Variants in PPP1R9A observed in about 807,000 individuals in gnomAD.
PPP1R9A encodes the protein protein phosphatase 1 regulatory subunit 9A.
In PPP1R9A, 59 loss-of-function variants were observed where a neutral mutation model predicts 141.9. The ratio of observed to expected loss-of-function variants is 0.42; its 90% CI spans 0.34 to 0.52. The LOEUF is 0.52. PPP1R9A is among the 20% of genes least tolerant of loss of function. The probability of loss-of-function intolerance (pLI) is 0.10; values close to 1 mark genes in which losing one functional copy is unlikely to be tolerated. For synonymous variants in PPP1R9A, 500 were observed against 569.7 expected, an observed-to-expected ratio of 0.88 and a Z score of 1.74; for missense variants, 1,444 against 1,611.9, an observed-to-expected ratio of 0.90 and a Z score of 1.78.
At chr7:95,013,531 A>G (rs1157239389) in intron 2 of PPP1R9A, among the ~76,000 whole-genome samples, 3 of 152,126 alleles carry the variant, frequency 2.0e-5, no homozygotes, top group Non-Finnish European at 4.4e-5. Context: ...ATGATATACA[A>G]GTAATAGATA....
At chr7:95,270,567 G>T (rs563308149) in intron 14 of PPP1R9A, among the ~76,000 whole-genome samples, 6 of 152,214 alleles carry the variant, frequency 3.9e-5, no homozygotes, top group African/African-American at 1.4e-4. Flanking sequence ...GGAAGTAAAA[G>T]ATTTTTTTCT....
At chr7:95,228,449 T>C (rs1348646584) in intron 8 of PPP1R9A, among the ~76,000 whole-genome samples, 1 of 152,222 alleles carries the variant, frequency 6.6e-6, no homozygotes, top group Non-Finnish European at 1.5e-5. Flanking sequence ...TTTTATTAAA[T>C]GCTCCTTTAC....
chr7:95,133,455 C>A (rs1306090750), intron 4 of PPP1R9A, among the ~76,000 whole-genome samples: 2 of 147,196 alleles, frequency 1.4e-5, no homozygotes, highest in African/African-American at 2.5e-5. Context: ...TAATATATTA[C>A]TTTATATAAT....
intron 4 of PPP1R9A, among the ~76,000 whole-genome samples, chr7:95,157,251 C>A (rs950740053): frequency 1.3e-4 from 20 of 152,006 alleles, no homozygotes; most frequent in Non-Finnish European, 2.6e-4. Context: ...CTTCTCAGCT[C>A]CCCCTCTCCC....
intron 5 of PPP1R9A, among the ~76,000 whole-genome samples, chr7:95,172,295 A>C (rs1832239950): frequency 6.6e-6 from 1 of 151,676 alleles, no homozygotes; most frequent in African/African-American, 2.4e-5. Flanking sequence ...ATAGAATGAA[A>C]AGGAGGAAGT....
chr7:95,217,934 C>T (rs1033302927), intron 7 of PPP1R9A, among the ~76,000 whole-genome samples: 7 of 151,952 alleles, frequency 4.6e-5, no homozygotes, highest in Non-Finnish European at 5.9e-5. Flanking sequence ...CCTGGATTCA[C>T]GGATTTTTTG....
At chr7:95,167,004 G>GA (rs1226017374) in intron 5 of PPP1R9A, among the ~76,000 whole-genome samples, 1 of 152,022 alleles carries the variant, frequency 6.6e-6, no homozygotes, top group African/African-American at 2.4e-5. Context: ...CGCATAGAAG[G>GA]AAAAAACCTG....
rs1272457555 is a variant in PPP1R9A at position 95,250,190 on chromosome 7, C to T, written c.2331C>T (p.Ser777=). 1 of 1,613,850 alleles carries T rather than the reference C, an allele frequency of 6.2e-7. No homozygotes were observed. Among genetic ancestry groups the T allele is most frequent in the East Asian group, 2.2e-5 (1 of 44,832 alleles). The change falls in exon 10 of 20, where the codon AGC becomes AGT. Residue 777 remains serine (S), a synonymous_variant. Transcript: ENST00000433360. ...TVNEHLKETQ[S]QYQALEKKYN... Reference sequence around the variant, plus strand: ...ATGAGCATCTCAAAGAGACTCAAAGCCAGTATCAGGCCTTGGAAAAGAAAT... The same window carrying T: ...ATGAGCATCTCAAAGAGACTCAAAGTCAGTATCAGGCCTTGGAAAAGAAAT...
rs1250400800 is a variant in PPP1R9A, at chr7:95,072,812, TATA to T, written c.1396-38441_1396-38439del. ...ATATATTATATTTATAATTATTATA[TATA>T]ATAATTATTATATATATAATAATTA... On this transcript the variant is annotated intron_variant, in intron 2 of 19. Coordinates refer to ENST00000433360, the MANE Select transcript of PPP1R9A (RefSeq NM_001166160.2). Among the ~76,000 whole-genome samples the T allele has an allele frequency of 1.2e-4, 9 of 72,980 alleles. 1 individual carries two copies. Among genetic ancestry groups the T allele is most frequent in the African/African-American group, 3.0e-4 (5 of 16,810 alleles). The allele number at this position is 72,980 out of a possible 152,430, so 47.9% of individuals were successfully genotyped here. A position where few individuals can be genotyped will look rare whatever the true frequency, so the allele number is the denominator to read the frequency against.
At chr7:95,202,152 A>G (rs866676488) in intron 6 of PPP1R9A, among the ~76,000 whole-genome samples, 1 of 152,188 alleles carries the variant, frequency 6.6e-6, no homozygotes, top group Admixed American at 6.5e-5. Context: ...GCTTAGACAT[A>G]TCTGTTTCAA....
At chr7:94,929,762 G>A (rs1365546089) in intron 2 of PPP1R9A, among the ~76,000 whole-genome samples, 1 of 152,068 alleles carries the variant, frequency 6.6e-6, no homozygotes, top group African/African-American at 2.4e-5. Flanking sequence ...CTAGGTGTGG[G>A]GTGGGAATGC....
At chr7:95,182,486 G>A (rs1834004018) in intron 5 of PPP1R9A, among the ~76,000 whole-genome samples, 3 of 152,090 alleles carry the variant, frequency 2.0e-5, no homozygotes, top group Non-Finnish European at 4.4e-5. Flanking sequence ...CATTTGAAAT[G>A]CAATAAACCT....
chr7:94,962,683 A>T (rs1182129932), intron 2 of PPP1R9A, among the ~76,000 whole-genome samples: 1 of 152,152 alleles, frequency 6.6e-6, no homozygotes, highest in African/African-American at 2.4e-5. Context: ...ATACATTGAA[A>T]TGATGTATGT....
At chr7:95,035,589 A>T (rs889271321) in intron 2 of PPP1R9A, 5 of 152,166 alleles carry the variant, frequency 3.3e-5, no homozygotes, top group African/African-American at 1.2e-4. Context: ...TCATATAACA[A>T]GATTTAAGGA....
At chr7:95,090,954 T>A (rs1248675698) in intron 2 of PPP1R9A, among the ~76,000 whole-genome samples, 3 of 152,078 alleles carry the variant, frequency 2.0e-5, no homozygotes, top group African/African-American at 7.3e-5. Flanking sequence ...ATATTTTCTG[T>A]GTCACTGAAT....
chr7:95,022,262 C>T (rs1317793338), intron 2 of PPP1R9A, among the ~76,000 whole-genome samples: 2 of 151,980 alleles, frequency 1.3e-5, no homozygotes, highest in Admixed American at 6.6e-5. Context: ...TCATGACTTG[C>T]CTCTCTGTTT....
At chr7:95,253,613 G>A (rs955543950) in intron 12 of PPP1R9A, among the ~76,000 whole-genome samples, 1 of 152,036 alleles carries the variant, frequency 6.6e-6, no homozygotes, top group Admixed American at 6.6e-5. Context: ...TAGCTTCTCT[G>A]GGTTGATATT....
rs954712917 is a variant in PPP1R9A, at chr7:95,291,009, T to C, written c.*706T>C. ...TGTGGATGTGGGTATTACCTTGGGGTTCTGAGGGTAATATTTATCCTCTAG... is the reference window on the plus strand; with the variant it reads ...TGTGGATGTGGGTATTACCTTGGGGCTCTGAGGGTAATATTTATCCTCTAG... On this transcript the variant is annotated 3_prime_UTR_variant, in exon 20 of 20. Coordinates refer to ENST00000433360, the MANE Select transcript of PPP1R9A (RefSeq NM_001166160.2). 1 of 152,172 alleles carries C rather than the reference T, an allele frequency of 6.6e-6. No homozygotes were observed. The allele number at this position is 152,172 out of a possible 1,614,324, so 9.4% of individuals were successfully genotyped here. A position where few individuals can be genotyped will look rare whatever the true frequency, so the allele number is the denominator to read the frequency against.
intron 4 of PPP1R9A, among the ~76,000 whole-genome samples, chr7:95,140,963 G>A (rs766493982): frequency 1.3e-5 from 2 of 152,062 alleles, no homozygotes; most frequent in African/African-American, 2.4e-5. Context: ...TAAGCAATCC[G>A]CCTGCCCTGC....
Sources: allele counts gnomAD v4.1 joint callset (sites outside exome capture counted in the v4.1 genomes callset), GRCh38; gene constraint gnomAD v4.1.1; transcripts MANE v1.5; gene names NCBI Gene and HGNC (gene_info 2026-07-23, HGNC 2026-07-21).